The following PLPPR4 variants were observed in gnomAD, a reference collection of about 807,000 sequenced individuals.
PLPPR4 encodes the protein phospholipid phosphatase-related protein type 4.
PLPPR4 carries 24 observed loss-of-function variants against 56.6 expected under a neutral mutation model. The ratio of observed to expected loss-of-function variants is 0.42; its 90% confidence interval spans 0.31 to 0.60. The LOEUF (loss-of-function observed/expected upper bound fraction) is 0.60, where lower values mean the gene tolerates loss of function less well. Among genes scored for constraint, PLPPR4 ranks in the 20% least tolerant of loss-of-function variants. The pLI is 0.13. For synonymous variants in PLPPR4, 326 were observed against 328.1 expected (o/e 0.99, Z 0.07); for missense variants, 654 against 885.8 (o/e 0.74, Z 3.32).
chr1:99,269,203 G>T (rs1658989066), intron 1 of PLPPR4, among the ~76,000 whole-genome samples: 1 of 152,156 alleles, frequency 6.6e-6, no homozygotes, highest in Non-Finnish European at 1.5e-5. Flanking sequence ...GTGTTAGTTT[G>T]CTGAGAATGA....
At chr1:99,279,248 G>C (rs1003423715) in intron 1 of PLPPR4, among the ~76,000 whole-genome samples, 12 of 152,132 alleles carry the variant, frequency 7.9e-5, no homozygotes. Flanking sequence ...CTATGATCTA[G>C]ACATTCATCA....
intron 6 of PLPPR4, among the ~76,000 whole-genome samples, chr1:99,302,493 G>T (rs1163289816): frequency 7.2e-6 from 1 of 138,308 alleles, no homozygotes; most frequent in African/African-American, 2.8e-5. Context: ...ACTGAGAAAT[G>T]AGATGTATTC....
At position 99,289,198 on chromosome 1, in the gene PLPPR4, G is replaced by T. The variant is rs575599030; in HGVS notation, c.264+1048G>T. On this transcript the variant is annotated intron_variant, in intron 2 of 6. Transcript: ENST00000370185. ...TTTTAGCATGTTCATGAATGTCAAAGGAAATGGCTATTAAATTAAAAGCTT... is the reference window on the plus strand; with the variant it reads ...TTTTAGCATGTTCATGAATGTCAAATGAAATGGCTATTAAATTAAAAGCTT... Among the ~76,000 whole-genome samples the T allele has an allele frequency of 1.3e-5, 2 of 152,162 alleles. 1 individual carries two copies. The highest frequency in any genetic ancestry group is 4.1e-4 in the South Asian group (2 of 4,830).
intron 2 of PLPPR4, among the ~76,000 whole-genome samples, chr1:99,292,475 G>A (rs1659647022): frequency 1.3e-5 from 2 of 152,326 alleles, no homozygotes; most frequent in East Asian, 3.9e-4. Flanking sequence ...AGGAAGTCCA[G>A]TGCCAACTCC....
At chr1:99,264,767 C>T in intron 1 of PLPPR4, 96 bp downstream of exon 1, 1 of 1,377,808 alleles carries the variant, frequency 7.3e-7, no homozygotes, top group Non-Finnish European at 1.0e-6. Context: ...AGAGATCCTG[C>T]CGGGCGCGCG....
rs953337130 is a variant in PLPPR4, at chr1:99,307,638, A to C, written c.*628A>C. ...TGTAGTGGCTCTGTCACAGTCAAAA[A>C]ATGAAAAGGTTTTTGTGCGTTTCTT... On this transcript the variant is annotated 3_prime_UTR_variant, in exon 7 of 7. Coordinates refer to ENST00000370185, the MANE Select transcript of PLPPR4 (RefSeq NM_014839.5). The C allele has an allele frequency of 3.9e-5, 6 of 152,248 alleles. No individual in the cohort carries two copies. Among genetic ancestry groups the C allele is most frequent in the African/African-American group, 9.6e-5 (4 of 41,472 alleles). 9.4% of individuals were successfully genotyped at this position (152,248 alleles called of 1,614,324 possible).
intron 1 of PLPPR4, among the ~76,000 whole-genome samples, chr1:99,281,378 C>T (rs993603105): frequency 6.6e-6 from 1 of 152,090 alleles, no homozygotes; most frequent in Non-Finnish European, 1.5e-5. Flanking sequence ...GATTTCTAGA[C>T]CTTAAGTAAT....
At position 99,306,047 on chromosome 1, in the gene PLPPR4, A is replaced by C; in HGVS notation, c.1185A>C (p.Arg395=). ...TTCATGCCTCTATGGATTCCGCTCG[A>C]TCAAAGCAGCTCCTCACCCAGTGGA... is the stretch of plus-strand genomic sequence containing the variant. ...ASIHASMDSA[R]SKQLLTQWKN... Residue 395 remains arginine (R), a synonymous_variant, in exon 7 of 7, where the codon CGA becomes CGC. Transcript: ENST00000370185. The surrounding 1 kb of genome is among the most constrained non-coding windows in gnomAD (Gnocchi z 4.0). The C allele has an allele frequency of 6.2e-7, 1 of 1,614,124 alleles. No homozygotes were observed. Among genetic ancestry groups the C allele is most frequent in the Non-Finnish European group, 8.5e-7 (1 of 1,180,014 alleles).
rs191344882 is a variant in PLPPR4, at chr1:99,279,709, G to T, written c.79-8256G>T. Among the ~76,000 whole-genome samples, 166 of 152,280 alleles carry T rather than the reference G, an allele frequency of 1.1e-3. 2 individuals carry two copies. The highest frequency in any genetic ancestry group is 3.4e-3 in the Middle Eastern group (1 of 294). ...GTGGCAGAATGACAGCAGGATACAC[G>T]GCGGTGCATGCTTCCAGGAATTTAG... On this transcript the variant is annotated intron_variant, in intron 1 of 6. Transcript: ENST00000370185.
chr1:99,300,557 T>G (rs2100808686), intron 4 of PLPPR4, among the ~76,000 whole-genome samples: 1 of 152,140 alleles, frequency 6.6e-6, no homozygotes, highest in African/African-American at 2.4e-5. Flanking sequence ...CCCCTAGGTT[T>G]TATGAGCTGT....
chr1:99,282,501 T>C (rs58390896), intron 1 of PLPPR4, among the ~76,000 whole-genome samples: 2,749 of 152,272 alleles, frequency 0.018, 96 homozygotes, highest in African/African-American at 0.063. Flanking sequence ...ATTTAATAAA[T>C]ATTTGTTGAG....
Position 99,306,930 on chromosome 1 carries a change from C to T in PLPPR4, c.2068C>T (p.Pro690Ser). 2 of 1,613,974 alleles carry T rather than the reference C, an allele frequency of 1.2e-6. No individual in the cohort carries two copies. The highest frequency in any genetic ancestry group is 1.7e-6 in the Non-Finnish European group (2 of 1,180,006). ...LRRKGNIILI[P>S]ERSNSPENTR... The stretch of plus-strand genomic sequence containing the variant: ...GAGAAAGGGCAATATCATTCTAATC[C>T]CTGAAAGAAGCAACAGCCCCGAAAA... Residue 690 changes from proline (P) to serine (S), a missense_variant, in exon 7 of 7, where the codon CCT (proline) becomes TCT (serine). By Grantham distance (74) the Pro-to-Ser change is moderately conservative. Around this residue, in one of 2 missense-constraint regions of PLPPR4, gnomAD observed 468 missense variants for 554.3 expected, o/e 0.84. Transcript: ENST00000370185. The surrounding 1 kb of genome is among the most constrained non-coding windows in gnomAD (Gnocchi z 4.0).
chr1:99,294,098 CA>C (rs397714686), intron 2 of PLPPR4, among the ~76,000 whole-genome samples: 109 of 145,972 alleles, frequency 7.5e-4, no homozygotes, highest in Middle Eastern at 3.6e-3. Context: ...CTGTGCCATT[CA>C]AAAAAAAAAA....
chr1:99,296,910 T>TA (rs60315504), intron 3 of PLPPR4, 43 bp downstream of exon 3: 19 of 1,440,310 alleles, frequency 1.3e-5, no homozygotes, highest in Non-Finnish European at 1.8e-5. Context: ...CTTTTTTTTT[T>TA]ATATTGAAAT....
rs199917333 is a variant in PLPPR4 at position 99,307,007 on chromosome 1, T to C, written c.2145T>C (p.Asp715=). ...KGTSPTRAYK[D] The stretch of plus-strand genomic sequence containing the variant: ...CCTCCCCCACACGGGCTTATAAGGA[T>C]TGAGTGATGTCCATTCCATCATTAG... Residue 715 remains aspartate, a synonymous_variant, in exon 7 of 7, where the codon GAT becomes GAC. Coordinates refer to ENST00000370185, the MANE Select transcript of PLPPR4 (RefSeq NM_014839.5). 175 of 1,589,462 alleles carry C rather than the reference T, an allele frequency of 1.1e-4. No individual in the cohort carries two copies. In the East Asian group the frequency reaches 3.4e-3, roughly 31 times the overall value.
chr1:99,304,552 T>C (rs1659968821), intron 6 of PLPPR4, among the ~76,000 whole-genome samples: 1 of 152,164 alleles, frequency 6.6e-6, no homozygotes, highest in Admixed American at 6.6e-5. Flanking sequence ...TAGGGATTGC[T>C]CATTCTGGTG....
At chr1:99,266,080 A>T (rs1447292297) in intron 1 of PLPPR4, among the ~76,000 whole-genome samples, 2 of 152,220 alleles carry the variant, frequency 1.3e-5, no homozygotes. Context: ...TTGAAAGATA[A>T]TAAAGAGCTT....
Position 99,288,014 on chromosome 1 carries a change from C to A in PLPPR4, c.128C>A (p.Thr43Lys), listed in dbSNP as rs1192900478. ...GTTAGCCTCTATTTCCTCGAACTCA[C>A]AGATGTCTTCAAACCTGTGCACTCT... Reference protein sequence around the residue: ...SVVSLYFLELTDVFKPVHSGF... With the variant: ...SVVSLYFLELKDVFKPVHSGF... The change falls in exon 2 of 7, where the codon ACA becomes AAA. Residue 43 changes from threonine (T) to lysine (K), a missense_variant. Transcript: ENST00000370185. 6.2e-7 allele frequency: 1 copy of A among 1,613,694 alleles called. No homozygotes were observed. The highest frequency in any genetic ancestry group is 8.5e-7 in the Non-Finnish European group (1 of 1,179,814).
intron 1 of PLPPR4, 140 bp downstream of exon 1, chr1:99,264,811 C>G: frequency 1.2e-6 from 1 of 839,464 alleles, no homozygotes. Context: ...CTCCCCTCTT[C>G]CCCTAGATTT....
Sources: gnomAD v4.1 joint callset for allele counts (sites outside exome capture counted in the v4.1 genomes callset) on GRCh38, gnomAD v4.1.1 for gene constraint, gnomAD v4.1.1 regional missense constraint, Gnocchi (gnomAD v3.1) non-coding constraint, MANE v1.5 for transcripts, NCBI Gene and HGNC (gene_info 2026-07-23, HGNC 2026-07-21) for gene names.